CCDC77: variants seen among roughly 807,000 people sequenced by gnomAD.
CCDC77 encodes the protein coiled-coil domain-containing protein 77.
In CCDC77, 56 loss-of-function variants were observed where a neutral mutation model predicts 66.8. The observed-to-expected ratio is 0.84, with a 90% CI of 0.68 to 1.05. The LOEUF is 1.05. CCDC77 is among the 50% of genes least tolerant of loss of function. CCDC77 has a pLI of 0.00. For missense variants in CCDC77, 570 were observed against 576.8 expected (o/e 0.99, Z 0.12); for synonymous variants, 196 against 195.2 (o/e 1.00, Z -0.03).
At chr12:422,151 T>G (rs1945408872) in intron 5 of CCDC77, among the ~76,000 whole-genome samples, 1 of 113,016 alleles carries the variant, frequency 8.8e-6, no homozygotes, top group African/African-American at 3.6e-5. Flanking sequence ...CCATGCTCCA[T>G]TACAGTGCTC....
chr12:429,423 C>T (rs893940922), intron 6 of CCDC77, among the ~76,000 whole-genome samples: 17 of 150,026 alleles, frequency 1.1e-4, no homozygotes, highest in South Asian at 2.1e-4. Context: ...TATCTGTATA[C>T]GTATACTTCT....
intron 2 of CCDC77, among the ~76,000 whole-genome samples, chr12:409,123 T>C (rs1945054113): frequency 6.6e-6 from 1 of 151,000 alleles, no homozygotes; most frequent in Admixed American, 6.6e-5. Flanking sequence ...GAGAATCGCT[T>C]GAACCCAGAA....
intron 1 of CCDC77, 113 bp downstream of exon 1, chr12:401,797 C>T (rs1591957239): frequency 6.5e-6 from 1 of 153,324 alleles, no homozygotes. Context: ...GGACGTGAGC[C>T]TGAATGTGGT....
In CCDC77 at chr12:433,233, A is replaced by AGG; in HGVS notation, c.734_735dup (p.Leu246GlyfsTer27). 2 of 1,614,074 alleles carry AGG rather than the reference A, an allele frequency of 1.2e-6. No homozygotes were observed. Among genetic ancestry groups the AGG allele is most frequent in the Non-Finnish European group, 8.5e-7 (1 of 1,179,998 alleles). Reference sequence around the variant, plus strand: ...CCAAACTTTCTCGAGAACAAATTGAAGGGCTCATCGAGGACAGACGGATTC... The same window carrying AGG: ...CCAAACTTTCTCGAGAACAAATTGAAGGGGGCTCATCGAGGACAGACGGATTC... On this transcript the variant is annotated frameshift_variant, in exon 9 of 13. Transcript: ENST00000239830. LOFTEE classifies it high-confidence loss of function.
At chr12:401,301 C>T (rs564768287), upstream of CCDC77, among the ~76,000 whole-genome samples, 1 of 152,260 alleles carries the variant, frequency 6.6e-6, no homozygotes, top group South Asian at 2.1e-4. Context: ...CATATATGTA[C>T]CATGAACGCG....
intron 4 of CCDC77, among the ~76,000 whole-genome samples, chr12:416,363 GTGTGTGTGTGTGTGTATA>G (rs1458174523): frequency 0.063 from 2,714 of 43,404 alleles, 52 homozygotes; most frequent in Non-Finnish European, 0.086. Context: ...GTGTGTGTGT[GTGTGTGTGTGTGTGTATA>G]TATATATATA....
At chr12:426,588 T>C (rs1945536244) in intron 5 of CCDC77, among the ~76,000 whole-genome samples, 1 of 152,186 alleles carries the variant, frequency 6.6e-6, no homozygotes, top group Non-Finnish European at 1.5e-5. Context: ...GAAGCTAATT[T>C]GGAGGTACTG....
At chr12:417,617 T>C (rs1226578476) in intron 4 of CCDC77, among the ~76,000 whole-genome samples, 1 of 152,166 alleles carries the variant, frequency 6.6e-6, no homozygotes, top group Non-Finnish European at 1.5e-5. Flanking sequence ...GAAACATTAC[T>C]AAAAAAGTGT....
intron 4 of CCDC77, among the ~76,000 whole-genome samples, chr12:414,095 C>CG (rs1555144145): frequency 7.3e-6 from 1 of 137,924 alleles, no homozygotes; most frequent in African/African-American, 2.7e-5. Flanking sequence ...TCTTGATTTC[C>CG]TTTTTTTTTT....
Position 427,185 on chromosome 12 carries a change from C to T in CCDC77, c.414-1584C>T, listed in dbSNP as rs368685793. On this transcript the variant is annotated intron_variant, in intron 5 of 12. Coordinates refer to ENST00000239830, the MANE Select transcript of CCDC77 (RefSeq NM_032358.4). ...GCTTGAACCCAGGAGGCGGAGGTTG[C>T]GGTGAGCTGAGATCATGCCATTGCA... 3.9e-4 allele frequency among the ~76,000 whole-genome samples: 59 copies of T among 150,810 alleles called. No individual in the cohort carries two copies. In the East Asian group the frequency reaches 9.1e-3, roughly 23 times the overall value.
chr12:394,981 A>C (rs911441215), intron 1 of CCDC77: 2 of 152,244 alleles, frequency 1.3e-5, no homozygotes, highest in African/African-American at 4.8e-5. Flanking sequence ...GCTAATAAAT[A>C]TATACTATTT....
upstream of CCDC77, among the ~76,000 whole-genome samples, chr12:397,478 G>A (rs920524233): frequency 6.6e-6 from 1 of 152,070 alleles, no homozygotes; most frequent in African/African-American, 2.4e-5. Context: ...GATATTGCAG[G>A]TTCAGTTCCA....
At chr12:418,457 A>G (rs1199781791) in intron 4 of CCDC77, 37 bp from the exon 5 acceptor site, 1 of 1,605,812 alleles carries the variant, frequency 6.2e-7, no homozygotes, top group Admixed American at 1.7e-5. Flanking sequence ...ATTGAAACCC[A>G]GTGTCTTTCA....
At chr12:427,406 G>A (rs902164812) in intron 5 of CCDC77, among the ~76,000 whole-genome samples, 4 of 151,192 alleles carry the variant, frequency 2.6e-5, no homozygotes, top group South Asian at 2.1e-4. Flanking sequence ...GAAACGCCAC[G>A]TTCTGTAAAC....
rs933963904 is a variant in CCDC77 at position 430,702 on chromosome 12, A to T, written c.549A>T (p.Glu183Asp). 1.1e-5 allele frequency: 18 copies of T among 1,613,828 alleles called. No homozygotes were observed. Among genetic ancestry groups the T allele is most frequent in the Non-Finnish European group, 1.4e-5 (17 of 1,179,820 alleles). The change falls in exon 7 of 13, where the codon GAA becomes GAT. Residue 183 changes from glutamate (E) to aspartate (D), a missense_variant. Transcript: ENST00000239830. ...AAAAGACTATCCAGGCTGTAGGTGA[A>T]TGTGAGCAGAGTGAATCTTCAGCTT... ...ILQKTIQAVG[E>D]CEQSESSAFK...
chr12:416,361 GTGTGTGTGTGTGTGTGTATATATA>G (rs1241001042), intron 4 of CCDC77, among the ~76,000 whole-genome samples: 1 of 37,716 alleles, frequency 2.7e-5, no homozygotes, highest in Non-Finnish European at 5.0e-5. Context: ...GTGTGTGTGT[GTGTGTGTGTGTGTGTGTATATATA>G]TATATATATA....
chr12:431,310 C>A (rs559448629), intron 7 of CCDC77, among the ~76,000 whole-genome samples: 1 of 151,324 alleles, frequency 6.6e-6, no homozygotes, highest in Non-Finnish European at 1.5e-5. Flanking sequence ...CCTCTGCCTC[C>A]CAGATTCAAG....
rs532275058 is a variant in CCDC77 at position 407,976 on chromosome 12, A to G, written c.-16-1392A>G. Among the ~76,000 whole-genome samples the G allele has an allele frequency of 1.6e-4, 25 of 151,962 alleles. 1 individual carries two copies. In the East Asian group the frequency reaches 3.1e-3, roughly 19 times the overall value. On this transcript the variant is annotated intron_variant, in intron 2 of 12. Transcript: ENST00000239830. Reference sequence around the variant, plus strand: ...CTAATTTTTTGCATTTTTAGTAGAGATGGGGTTTCACCGTGTTAGCCAGGA... The same window carrying G: ...CTAATTTTTTGCATTTTTAGTAGAGGTGGGGTTTCACCGTGTTAGCCAGGA...
intron 1 of CCDC77, chr12:390,050 C>G (rs541568899): frequency 8.0e-6 from 1 of 125,722 alleles, no homozygotes; most frequent in Non-Finnish European, 1.6e-5. Context: ...ACTCAAAGTA[C>G]TTTAATTGTT....
Sources: allele counts gnomAD v4.1 joint callset (sites outside exome capture counted in the v4.1 genomes callset), GRCh38; gene constraint gnomAD v4.1.1; transcripts MANE v1.5; gene names NCBI Gene and HGNC (gene_info 2026-07-23, HGNC 2026-07-21).